Variants in ADGRL2 observed in about 807,000 individuals in gnomAD.
ADGRL2 encodes adhesion G protein-coupled receptor L2, also known as calcium-independent alpha-latrotoxin receptor 2.
A neutral mutation model predicts 157.4 loss-of-function variants in ADGRL2; 44 were observed. The ratio of observed to expected loss-of-function variants is 0.28; its 90% CI spans 0.22 to 0.36. The LOEUF (loss-of-function observed/expected upper bound fraction) is 0.36, where lower values mean the gene tolerates loss of function less well. Among genes scored for constraint, ADGRL2 ranks in the 10% least tolerant of loss-of-function variants. ADGRL2 has a pLI of 1.00. For synonymous variants in ADGRL2, 585 were observed against 624.7 expected, an observed-to-expected ratio of 0.94 and a Z score of 0.95; for missense variants, 1,510 against 1,768.9, an observed-to-expected ratio of 0.85 and a Z score of 2.63.
At chr1:81,688,140 A>G (rs2083267364) in intron 3 of ADGRL2, among the ~76,000 whole-genome samples, 1 of 152,144 alleles carries the variant, frequency 6.6e-6, no homozygotes, top group South Asian at 2.1e-4. Context: ...CCTGATGACA[A>G]TGTGCCTAGG....
intron 3 of ADGRL2, among the ~76,000 whole-genome samples, chr1:81,584,175 C>T (rs1338587014): frequency 6.6e-6 from 1 of 152,128 alleles, no homozygotes; most frequent in African/African-American, 2.4e-5. Flanking sequence ...AATAAACTAA[C>T]TTCACCCCCT....
chr1:81,581,093 A>T (rs911071530), intron 3 of ADGRL2: 1 of 152,232 alleles, frequency 6.6e-6, no homozygotes, highest in African/African-American at 2.4e-5. Context: ...TGGGAAAAAG[A>T]GAACACACAA....
At chr1:81,790,949 A>G (rs2087307470) in intron 2 of ADGRL2, among the ~76,000 whole-genome samples, 1 of 150,748 alleles carries the variant, frequency 6.6e-6, no homozygotes, top group South Asian at 2.1e-4. Context: ...CTGTGGTCCC[A>G]GCTTCTTTGT....
intron 2 of ADGRL2, among the ~76,000 whole-genome samples, chr1:81,898,015 G>A (rs1051491943): frequency 1.3e-5 from 2 of 152,014 alleles, no homozygotes. Context: ...GGCTGATTTC[G>A]AGCCCATATG....
intron 19 of ADGRL2, among the ~76,000 whole-genome samples, chr1:81,984,082 A>G (rs778702893): frequency 3.4e-4 from 52 of 152,048 alleles, no homozygotes; most frequent in Admixed American, 2.1e-3. Flanking sequence ...TTGTCATTAT[A>G]CAGAGGTTAC....
At chr1:81,755,692 G>T (rs1225025650) in intron 1 of ADGRL2, among the ~76,000 whole-genome samples, 1 of 152,094 alleles carries the variant, frequency 6.6e-6, no homozygotes, top group Non-Finnish European at 1.5e-5. Flanking sequence ...GCTCCCAGCT[G>T]GTTTTGCTAT....
At chr1:81,524,360 C>T (rs755372366) in intron 2 of ADGRL2, among the ~76,000 whole-genome samples, 8 of 151,874 alleles carry the variant, frequency 5.3e-5, no homozygotes, top group African/African-American at 1.2e-4. Flanking sequence ...AGCGAGACTC[C>T]GTCTCAAAAA....
chr1:81,992,276 A>G lies in ADGRL2; in HGVS notation c.*1131A>G, dbSNP rs1036999650. ...TTAGTAATTAATTTATTTTATGATA[A>G]AGTTCTAATGAAATGTAAATTGTTT... is the stretch of plus-strand genomic sequence containing the variant. On this transcript the variant is annotated 3_prime_UTR_variant, in exon 24 of 24. Coordinates refer to ENST00000686636, the MANE Select transcript of ADGRL2 (RefSeq NM_001366006.2). 2 of 152,582 alleles carry G rather than the reference A, an allele frequency of 1.3e-5. No individual in the cohort carries two copies. The highest frequency in any genetic ancestry group is 2.9e-5 in the Non-Finnish European group (2 of 68,022). The allele number at this position is 152,582 out of a possible 1,614,324, so 9.5% of individuals were successfully genotyped here. A position where few individuals can be genotyped will look rare whatever the true frequency, so the allele number is the denominator to read the frequency against.
chr1:81,685,282 C>A (rs2083205722), intron 3 of ADGRL2, among the ~76,000 whole-genome samples: 1 of 151,990 alleles, frequency 6.6e-6, no homozygotes, highest in Admixed American at 6.6e-5. Context: ...GGATGTGTTT[C>A]CATTAGTTTG....
chr1:81,371,322 A>G (rs1332980099), intron 1 of ADGRL2, among the ~76,000 whole-genome samples: 4 of 152,238 alleles, frequency 2.6e-5, no homozygotes, highest in Non-Finnish European at 5.9e-5. Context: ...TTGAAATAGC[A>G]TAAGGCAGAG....
intron 1 of ADGRL2, among the ~76,000 whole-genome samples, chr1:81,314,534 G>C (rs1659977111): frequency 6.6e-6 from 1 of 152,152 alleles, no homozygotes; most frequent in Admixed American, 6.5e-5. Flanking sequence ...TAGAAAAAAG[G>C]AGAATCAGGA....
chr1:81,908,870 T>C (rs373986821), intron 3 of ADGRL2, among the ~76,000 whole-genome samples: 1,759 of 112,600 alleles, frequency 0.016, 34 homozygotes, highest in African/African-American at 0.058. Flanking sequence ...TACATCTTTT[T>C]TTTCTTTCTT....
chr1:81,553,503 A>G (rs75175956), intron 2 of ADGRL2, among the ~76,000 whole-genome samples: 9 of 152,342 alleles, frequency 5.9e-5, no homozygotes, highest in Non-Finnish European at 8.8e-5. Flanking sequence ...TGACATTTGT[A>G]GTATTAGAGG....
chr1:81,422,480 A>C (rs955376732), intron 1 of ADGRL2, among the ~76,000 whole-genome samples: 1 of 152,192 alleles, frequency 6.6e-6, no homozygotes, highest in Non-Finnish European at 1.5e-5. Flanking sequence ...CCTGACCTCA[A>C]GTGATCCACC....
At chr1:81,691,942 A>G (rs546397942) in intron 3 of ADGRL2, among the ~76,000 whole-genome samples, 11 of 148,678 alleles carry the variant, frequency 7.4e-5, no homozygotes, top group African/African-American at 2.7e-4. Context: ...ACACATACAG[A>G]TATCTATATA....
intron 1 of ADGRL2, among the ~76,000 whole-genome samples, chr1:81,810,532 C>T (rs2089732041): frequency 6.6e-6 from 1 of 151,808 alleles, no homozygotes; most frequent in Admixed American, 6.6e-5. Context: ...CCATTTTCTC[C>T]ACTCATCTTT....
chr1:81,621,304 CCA>C (rs1209771528), intron 3 of ADGRL2, among the ~76,000 whole-genome samples: 1 of 152,136 alleles, frequency 6.6e-6, no homozygotes, highest in Admixed American at 6.5e-5. Context: ...TCTCCATGCC[CCA>C]GTGTTACGAC....
At chr1:81,327,101 G>C (rs1335765716) in intron 1 of ADGRL2, among the ~76,000 whole-genome samples, 1 of 152,110 alleles carries the variant, frequency 6.6e-6, no homozygotes, top group Non-Finnish European at 1.5e-5. Flanking sequence ...TGTCCTAAGA[G>C]TACAAAAGGA....
At chr1:81,676,961 C>T (rs971475526) in intron 3 of ADGRL2, among the ~76,000 whole-genome samples, 2 of 150,382 alleles carry the variant, frequency 1.3e-5, no homozygotes, top group African/African-American at 2.4e-5. Context: ...CAGGCGTGAG[C>T]CACTGTGCCT....
Sources: gnomAD v4.1 joint callset for allele counts (sites outside exome capture counted in the v4.1 genomes callset) on GRCh38, gnomAD v4.1.1 for gene constraint, MANE v1.5 for transcripts, NCBI Gene and HGNC (gene_info 2026-07-23, HGNC 2026-07-21) for gene names.